FOXP1: variants seen among roughly 807,000 people sequenced by gnomAD.
FOXP1 encodes the protein forkhead box P1.
FOXP1 carries 15 observed loss-of-function variants against 98.2 expected under a neutral mutation model. That is an observed-to-expected ratio of 0.15 (90% CI 0.10 to 0.24). The LOEUF (loss-of-function observed/expected upper bound fraction) is 0.24, where lower values mean the gene tolerates loss of function less well. Among genes scored for constraint, FOXP1 ranks in the 10% least tolerant of loss-of-function variants. The pLI is 1.00. For missense variants in FOXP1, 633 were observed against 848.5 expected, an observed-to-expected ratio of 0.75 and a Z score of 3.15; for synonymous variants, 371 against 314.5, an observed-to-expected ratio of 1.18 and a Z score of -1.90.
intron 5 of FOXP1, among the ~76,000 whole-genome samples, chr3:71,237,985 T>C (rs1035439391): frequency 6.6e-6 from 1 of 152,092 alleles, no homozygotes; most frequent in Non-Finnish European, 1.5e-5. Flanking sequence ...ACTGAGAAAT[T>C]AGGAGATTCT....
intron 5 of FOXP1, among the ~76,000 whole-genome samples, chr3:71,256,393 CT>C: frequency 6.6e-6 from 1 of 151,806 alleles, no homozygotes. Context: ...GTTTTCTTTT[CT>C]TTTTTTTGAG....
At chr3:71,068,488 C>T (rs2052825168) in intron 7 of FOXP1, among the ~76,000 whole-genome samples, 1 of 152,140 alleles carries the variant, frequency 6.6e-6, no homozygotes, top group African/African-American at 2.4e-5. Context: ...CCCTGGCCCA[C>T]GTGGTCCTCA....
chr3:71,284,325 G>A (rs2071880760), intron 5 of FOXP1, among the ~76,000 whole-genome samples: 1 of 152,154 alleles, frequency 6.6e-6, no homozygotes, highest in Admixed American at 6.5e-5. Context: ...AGCACTTTGC[G>A]AGGCCAAGAC....
intron 5 of FOXP1, among the ~76,000 whole-genome samples, chr3:71,250,863 G>A (rs948979497): frequency 4.6e-5 from 7 of 152,100 alleles, no homozygotes; most frequent in East Asian, 3.9e-4. Flanking sequence ...CCCAGGAGGC[G>A]GAGGTTGCAG....
chr3:70,963,204 G>A (rs1237194144), intron 20 of FOXP1, among the ~76,000 whole-genome samples: 2 of 152,186 alleles, frequency 1.3e-5, no homozygotes, highest in African/African-American at 4.8e-5. Context: ...CATGCAGAGT[G>A]GATGCAGAGT....
At chr3:71,225,284 C>A (rs1293864575) in intron 5 of FOXP1, among the ~76,000 whole-genome samples, 1 of 152,174 alleles carries the variant, frequency 6.6e-6, no homozygotes, top group African/African-American at 2.4e-5. Flanking sequence ...TCAATCTGAT[C>A]AGCAGTGAGC....
intron 5 of FOXP1, among the ~76,000 whole-genome samples, chr3:71,242,382 A>G (rs1431687227): frequency 6.6e-6 from 1 of 152,122 alleles, no homozygotes; most frequent in Non-Finnish European, 1.5e-5. Flanking sequence ...ATTTCTCCTC[A>G]TCGAATCATA....
At chr3:71,087,919 C>A (rs1385617669) in intron 7 of FOXP1, among the ~76,000 whole-genome samples, 1 of 152,062 alleles carries the variant, frequency 6.6e-6, no homozygotes, top group Non-Finnish European at 1.5e-5. Context: ...TTTGTAAAAT[C>A]TTTGTGGGGA....
chr3:71,236,999 C>T (rs1328624206), intron 5 of FOXP1, among the ~76,000 whole-genome samples: 2 of 150,970 alleles, frequency 1.3e-5, no homozygotes, highest in East Asian at 1.9e-4. Flanking sequence ...TTTGAAAGGC[C>T]GAGGCGGGCA....
intron 5 of FOXP1, among the ~76,000 whole-genome samples, chr3:71,214,166 C>G (rs999772668): frequency 1.3e-5 from 2 of 152,218 alleles, no homozygotes; most frequent in East Asian, 3.9e-4. Context: ...CCCCTTTGCA[C>G]AGAGATATGC....
intron 5 of FOXP1, among the ~76,000 whole-genome samples, chr3:71,247,240 C>T (rs1365625267): frequency 6.6e-6 from 1 of 152,146 alleles, no homozygotes; most frequent in African/African-American, 2.4e-5. Flanking sequence ...AGGGGGAAAT[C>T]CTGCCAGGTG....
Position 71,301,147 on chromosome 3 carries a change from AT to A in FOXP1, c.-72-1268del, listed in dbSNP as rs1454030235. ...GAGGTTTTCACCATAAATTTTCACC[AT>A]TTGGGTGGGGGAAAACCCTAGCTCT... On this transcript the variant is annotated intron_variant, in intron 4 of 20. Coordinates refer to ENST00000649528, the MANE Select transcript of FOXP1 (RefSeq NM_001349338.3). 7.9e-5 allele frequency among the ~76,000 whole-genome samples: 12 copies of A among 152,328 alleles called. 1 individual carries two copies. The East Asian group carries it at 1.9e-3, about 24-fold the overall frequency.
intron 7 of FOXP1, among the ~76,000 whole-genome samples, chr3:71,093,595 A>G (rs2056136727): frequency 6.6e-6 from 1 of 150,540 alleles, no homozygotes; most frequent in Non-Finnish European, 1.5e-5. Context: ...TTCAACTGTG[A>G]TATAAGGACT....
At chr3:70,991,831 C>T (rs534294811) in intron 13 of FOXP1, among the ~76,000 whole-genome samples, 4 of 152,266 alleles carry the variant, frequency 2.6e-5, no homozygotes, top group Admixed American at 2.0e-4. Context: ...AGAAATAAGA[C>T]TAGGGTCCCA....
At chr3:70,984,994 G>A (rs1413621686) in intron 14 of FOXP1, among the ~76,000 whole-genome samples, 1 of 152,202 alleles carries the variant, frequency 6.6e-6, no homozygotes, top group East Asian at 1.9e-4. Context: ...ATTGGATACA[G>A]CAAATGACAC....
chr3:71,395,604 T>C lies in FOXP1; in HGVS notation c.-167-36360A>G, dbSNP rs539660966. Among the ~76,000 whole-genome samples, 31 of 152,190 alleles carry C rather than the reference T, an allele frequency of 2.0e-4. No individual in the cohort carries two copies. In the South Asian group the frequency reaches 5.0e-3, roughly 25 times the overall value. On this transcript the variant is annotated intron_variant, in intron 3 of 20. Coordinates refer to ENST00000649528, the MANE Select transcript of FOXP1 (RefSeq NM_001349338.3). The stretch of plus-strand genomic sequence containing the variant: ...TATTTCTCTGCACAGCACTTTCCTC[T>C]GATACTGTTCTTTGTTGTTTGTTTA...
intron 6 of FOXP1, among the ~76,000 whole-genome samples, chr3:71,121,170 G>T (rs780534157): frequency 6.6e-6 from 1 of 151,784 alleles, no homozygotes; most frequent in Non-Finnish European, 1.5e-5. Flanking sequence ...CCAACTACAG[G>T]AGACATGGAC....
rs1244975054 is a variant in FOXP1, at chr3:71,299,364, C to T, written c.-12+456G>A. 3.3e-5 allele frequency among the ~76,000 whole-genome samples: 5 copies of T among 152,236 alleles called. No homozygotes were observed. The South Asian group carries it at 8.3e-4, about 25-fold the overall frequency. ...ATCAATGTGGCGTGTTGCTATGGTG[C>T]CTGACTGTTAATTTCTGAAAGAAGG... On this transcript the variant is annotated intron_variant, in intron 5 of 20. Coordinates refer to ENST00000649528, the MANE Select transcript of FOXP1 (RefSeq NM_001349338.3).
intron 2 of FOXP1, among the ~76,000 whole-genome samples, chr3:71,515,438 A>AC (rs1272702323): frequency 2.2e-5 from 3 of 137,510 alleles, no homozygotes; most frequent in Non-Finnish European, 5.0e-5. Context: ...CACAGCAAAA[A>AC]AAAAAAAAAA....
Sources: gnomAD v4.1 joint callset for allele counts (sites outside exome capture counted in the v4.1 genomes callset) on GRCh38, gnomAD v4.1.1 for gene constraint, MANE v1.5 for transcripts, NCBI Gene and HGNC (gene_info 2026-07-23, HGNC 2026-07-21) for gene names.